Variants in CSMD3 observed in about 807,000 individuals in gnomAD.
The protein encoded by CSMD3 is CUB and Sushi multiple domains 3, also known as CUB and sushi domain-containing protein 3.
Under a neutral mutation model 435.2 loss-of-function variants are expected in CSMD3, and 177 were observed. That is an observed-to-expected ratio of 0.41 (90% CI 0.36 to 0.46). CSMD3 has a LOEUF of 0.46. CSMD3 is among the 20% of genes least tolerant of loss of function. The probability of loss-of-function intolerance (pLI) is 0.34; values close to 1 mark genes in which losing one functional copy is unlikely to be tolerated. For missense variants in CSMD3, 4,265 were observed against 4,504.6 expected (o/e 0.95, Z 1.52); for synonymous variants, 1,656 against 1,520.5 (o/e 1.09, Z -2.07).
chr8:113,373,451 C>T (rs1734431845), intron 1 of CSMD3, among the ~76,000 whole-genome samples: 1 of 151,960 alleles, frequency 6.6e-6, no homozygotes, highest in African/African-American at 2.4e-5. Context: ...ATTTTAATTT[C>T]ATTTATGTAT....
rs1297922868 is a variant in CSMD3, at chr8:112,550,718, T to C, written c.4517A>G (p.Asp1506Gly). The C allele has an allele frequency of 6.2e-7, 1 of 1,608,454 alleles. No homozygotes were observed. Among genetic ancestry groups the C allele is most frequent in the South Asian group, 1.1e-5 (1 of 90,974 alleles). Residue 1506 changes from aspartate to glycine, a missense_variant, in exon 27 of 71, where the codon GAC (aspartate) becomes GGC (glycine). Coordinates refer to ENST00000297405, the MANE Select transcript of CSMD3 (RefSeq NM_198123.2). Reference protein sequence around the residue: ...STLNIVTIQFDTDFYISKSGF... With the variant: ...STLNIVTIQFGTDFYISKSGF... ...AGATTTGCTAATATAAAAATCCGTG[T>C]CAAACTGGATGGTTACTATATTGAG...
At chr8:112,711,795 T>A (rs920000478) in intron 13 of CSMD3, among the ~76,000 whole-genome samples, 29 of 152,224 alleles carry the variant, frequency 1.9e-4, no homozygotes, top group South Asian at 2.1e-4. Context: ...GCTTTGTCAC[T>A]CAGGCTGGAG....
rs962275730 is a variant in CSMD3, at chr8:113,395,716, A to G, written c.178+40961T>C. ...AACTATTTCTGTGTAACCATTATAGATGTTAAATTTCCTGGCATTTAACTT... is the reference window on the plus strand; with the variant it reads ...AACTATTTCTGTGTAACCATTATAGGTGTTAAATTTCCTGGCATTTAACTT... On this transcript the variant is annotated intron_variant, in intron 1 of 70. Transcript: ENST00000297405. Among the ~76,000 whole-genome samples, 8 of 152,258 alleles carry G rather than the reference A, an allele frequency of 5.3e-5. No homozygotes were observed. In the South Asian group the frequency reaches 8.3e-4, roughly 16 times the overall value.
chr8:112,619,102 GTTA>G, intron 22 of CSMD3, among the ~76,000 whole-genome samples: 1 of 152,150 alleles, frequency 6.6e-6, no homozygotes, highest in African/African-American at 2.4e-5. Context: ...TGCTTGGTGT[GTTA>G]TTAAGTGCTC....
intron 3 of CSMD3, among the ~76,000 whole-genome samples, chr8:113,274,401 C>A (rs932867846): frequency 6.6e-6 from 1 of 152,060 alleles, no homozygotes; most frequent in Non-Finnish European, 1.5e-5. Context: ...AGAACTGGTT[C>A]GTGGACCAGT....
At chr8:112,389,747 A>T (rs1830261706) in intron 36 of CSMD3, among the ~76,000 whole-genome samples, 2 of 152,222 alleles carry the variant, frequency 1.3e-5, no homozygotes, top group Non-Finnish European at 2.9e-5. Context: ...CAATTAGAGA[A>T]GTAATCAAGT....
chr8:112,299,644 C>T (rs1380162141), intron 53 of CSMD3, among the ~76,000 whole-genome samples: 1 of 151,934 alleles, frequency 6.6e-6, no homozygotes, highest in Non-Finnish European at 1.5e-5. Context: ...ATAAATGCAC[C>T]ATACTTAGAG....
In CSMD3 at chr8:112,291,497, A is replaced by G. The variant is rs780409823; in HGVS notation, c.8974+13T>C. ...GACATGTTCTCAAGAAACAATTCAC[A>G]TTATCTACTTACTGATACATTCTGG... is the stretch of plus-strand genomic sequence containing the variant. On this transcript the variant is annotated intron_variant, in intron 56 of 70. Coordinates refer to ENST00000297405, the MANE Select transcript of CSMD3 (RefSeq NM_198123.2). 4 of 1,565,308 alleles carry G rather than the reference A, an allele frequency of 2.6e-6. No individual in the cohort carries two copies. The Admixed American group carries it at 5.0e-5, about 20-fold the overall frequency.
chr8:112,534,079 A>G (rs1192409668), intron 27 of CSMD3, among the ~76,000 whole-genome samples: 1 of 151,954 alleles, frequency 6.6e-6, no homozygotes, highest in South Asian at 2.1e-4. Context: ...CAGGAAAGAT[A>G]AAAAATTGAC....
chr8:112,906,302 A>T (rs926462791), intron 10 of CSMD3, among the ~76,000 whole-genome samples: 2 of 151,334 alleles, frequency 1.3e-5, no homozygotes, highest in African/African-American at 4.8e-5. Context: ...AGGCTGCAAC[A>T]GAATGACTAC....
At chr8:112,369,734 G>C (rs187800475) in intron 38 of CSMD3, among the ~76,000 whole-genome samples, 1 of 151,902 alleles carries the variant, frequency 6.6e-6, no homozygotes, top group African/African-American at 2.4e-5. Context: ...CAAGGGCAGG[G>C]AGAGCATTAG....
chr8:112,419,184 A>G (rs1207487124), intron 32 of CSMD3, among the ~76,000 whole-genome samples: 1 of 152,034 alleles, frequency 6.6e-6, no homozygotes, highest in African/African-American at 2.4e-5. Context: ...TTATCATAGT[A>G]CAATAGCAGT....
At chr8:112,432,343 G>T (rs1317879284) in intron 32 of CSMD3, among the ~76,000 whole-genome samples, 1 of 151,940 alleles carries the variant, frequency 6.6e-6, no homozygotes, top group Admixed American at 6.6e-5. Flanking sequence ...TTGCTTTGTT[G>T]CCCAGTCTGG....
At chr8:113,232,002 TC>T (rs1208991546) in intron 3 of CSMD3, among the ~76,000 whole-genome samples, 3 of 151,618 alleles carry the variant, frequency 2.0e-5, no homozygotes, top group Admixed American at 1.3e-4. Flanking sequence ...AGACTTTTTT[TC>T]ATCATAAATT....
intron 13 of CSMD3, among the ~76,000 whole-genome samples, chr8:112,793,761 GC>G (rs1298883836): frequency 6.6e-6 from 1 of 152,154 alleles, no homozygotes; most frequent in African/African-American, 2.4e-5. Context: ...ATAGTTGGCT[GC>G]CTTTGATTGG....
At position 112,620,506 on chromosome 8, in the gene CSMD3, G is replaced by T. The variant is rs925974776; in HGVS notation, c.3715+16311C>A. ...CAGTAGGCCATGGCTTGGTGAGAGA[G>T]CAGTCATGTACTTTGTATTCTCAAA... On this transcript the variant is annotated intron_variant, in intron 22 of 70. Transcript: ENST00000297405. Among the ~76,000 whole-genome samples the T allele has an allele frequency of 5.9e-5, 9 of 152,100 alleles. No homozygotes were observed. In the South Asian group the frequency reaches 1.9e-3, roughly 31 times the overall value.
chr8:112,640,937 G>C (rs1349153268), intron 20 of CSMD3, among the ~76,000 whole-genome samples: 1 of 152,030 alleles, frequency 6.6e-6, no homozygotes, highest in East Asian at 1.9e-4. Context: ...AAATGTGCTT[G>C]TTCTGAAATA....
intron 10 of CSMD3, among the ~76,000 whole-genome samples, chr8:112,865,475 C>T (rs138979649): frequency 6.6e-6 from 1 of 152,190 alleles, no homozygotes; most frequent in East Asian, 1.9e-4. Flanking sequence ...CTTACTCCAA[C>T]AGATTCTTAG....
At chr8:113,307,936 C>G (rs951147550) in intron 2 of CSMD3, among the ~76,000 whole-genome samples, 2 of 152,116 alleles carry the variant, frequency 1.3e-5, no homozygotes, top group Admixed American at 1.3e-4. Context: ...GATATTAAAT[C>G]TATATCTACC....
Sources: gnomAD v4.1 joint callset for allele counts (sites outside exome capture counted in the v4.1 genomes callset) on GRCh38, gnomAD v4.1.1 for gene constraint, MANE v1.5 for transcripts, NCBI Gene and HGNC (gene_info 2026-07-23, HGNC 2026-07-21) for gene names.